Variants in CAMK2D observed in about 807,000 individuals in gnomAD.
CAMK2D encodes the protein calcium/calmodulin dependent protein kinase II delta, also known as calcium/calmodulin-dependent protein kinase type II subunit delta.
Under a neutral mutation model 84.0 loss-of-function variants are expected in CAMK2D, and 37 were observed. The ratio of observed to expected loss-of-function variants is 0.44; its 90% CI spans 0.34 to 0.58. The LOEUF is 0.58. Ranked by LOEUF, CAMK2D falls within the 20% of genes least tolerant of loss-of-function variation. The pLI, the probability that CAMK2D is intolerant of heterozygous loss-of-function variation, is 0.02. For missense variants in CAMK2D, 448 were observed against 652.5 expected (o/e 0.69, Z 3.41); for synonymous variants, 202 against 212.5 (o/e 0.95, Z 0.43).
At chr4:113,579,317 T>C (rs1348874726) in intron 4 of CAMK2D, among the ~76,000 whole-genome samples, 1 of 152,202 alleles carries the variant, frequency 6.6e-6, no homozygotes, top group Non-Finnish European at 1.5e-5. Flanking sequence ...TGCTCTTCCT[T>C]TTACTTTTCC....
chr4:113,641,359 C>T (rs1249901467), intron 3 of CAMK2D, among the ~76,000 whole-genome samples: 1 of 152,110 alleles, frequency 6.6e-6, no homozygotes, highest in Non-Finnish European at 1.5e-5. Context: ...GTACAGAGCA[C>T]ATAGTAAAGG....
Position 113,746,349 on chromosome 4 carries a change from AT to A in CAMK2D, c.160+12970del, listed in dbSNP as rs1488715591. On this transcript the variant is annotated intron_variant, in intron 2 of 20. Coordinates refer to ENST00000511664, the MANE Select transcript of CAMK2D (RefSeq NM_001321571.2). ...TAGAAGGTCAACAAATATTAACTCA[AT>A]TTCTATAAATCATTATTATTTTAAA... Among the ~76,000 whole-genome samples, 4 of 152,116 alleles carry A rather than the reference AT, an allele frequency of 2.6e-5. No homozygotes were observed. The East Asian group carries it at 7.7e-4, about 29-fold the overall frequency.
intron 2 of CAMK2D, among the ~76,000 whole-genome samples, chr4:113,745,856 G>A (rs2099602973): frequency 6.6e-6 from 1 of 152,100 alleles, no homozygotes; most frequent in Non-Finnish European, 1.5e-5. Flanking sequence ...GCTGGATAAC[G>A]CTGTCTCCTC....
At position 113,467,547 on chromosome 4, in the gene CAMK2D, T is replaced by G. The variant is rs77817213; in HGVS notation, c.1136-1943A>C. On this transcript the variant is annotated intron_variant, in intron 16 of 20. Coordinates refer to ENST00000511664, the MANE Select transcript of CAMK2D (RefSeq NM_001321571.2). ...GGTCTATAATATTAAAAAATCACTA[T>G]ATGGGTTAGAATTCATATTTAGTTA... Among the ~76,000 whole-genome samples, 855 of 152,290 alleles carry G rather than the reference T, an allele frequency of 5.6e-3. 8 individuals are homozygous for G. The highest frequency in any genetic ancestry group is 0.02 in the African/African-American group (825 of 41,568).
chr4:113,656,010 G>C (rs544597125), intron 3 of CAMK2D, among the ~76,000 whole-genome samples: 1 of 152,010 alleles, frequency 6.6e-6, no homozygotes, highest in Non-Finnish European at 1.5e-5. Context: ...TACCTGAAAG[G>C]TATTTTTCTT....
At chr4:113,674,832 G>T (rs1013145911) in intron 2 of CAMK2D, among the ~76,000 whole-genome samples, 1 of 151,634 alleles carries the variant, frequency 6.6e-6, no homozygotes. Context: ...ACAGTTAACA[G>T]AAATCAATGA....
chr4:113,653,189 A>G (rs914927172), intron 3 of CAMK2D, among the ~76,000 whole-genome samples: 1 of 152,104 alleles, frequency 6.6e-6, no homozygotes, highest in Admixed American at 6.5e-5. Flanking sequence ...AAAAAAAGCT[A>G]AAACAGATAA....
chr4:113,552,194 T>A, intron 4 of CAMK2D, 98 bp from the exon 5 acceptor site: 1 of 638,172 alleles, frequency 1.6e-6, no homozygotes, highest in Admixed American at 2.8e-5. Context: ...TTTTCTTAGA[T>A]GATTTAAAAA....
intron 8 of CAMK2D, among the ~76,000 whole-genome samples, chr4:113,524,456 C>T (rs1433202698): frequency 6.6e-6 from 1 of 152,120 alleles, no homozygotes; most frequent in East Asian, 1.9e-4. Flanking sequence ...CATGTTGTAG[C>T]ACGGGACAGA....
At chr4:113,604,622 T>C (rs2098969717) in intron 4 of CAMK2D, among the ~76,000 whole-genome samples, 1 of 152,258 alleles carries the variant, frequency 6.6e-6, no homozygotes. Flanking sequence ...TTACTATGGT[T>C]TGTATGTAAA....
intron 2 of CAMK2D, among the ~76,000 whole-genome samples, chr4:113,756,799 G>C (rs1200086045): frequency 2.0e-5 from 3 of 152,034 alleles, no homozygotes; most frequent in African/African-American, 7.2e-5. Flanking sequence ...ATCAAAAAAT[G>C]AAAGCATGGT....
chr4:113,586,726 C>T (rs1373423143), intron 4 of CAMK2D, among the ~76,000 whole-genome samples: 3 of 152,094 alleles, frequency 2.0e-5, no homozygotes, highest in Non-Finnish European at 4.4e-5. Flanking sequence ...AAGAAACAAA[C>T]CCACTCCAGT....
intron 19 of CAMK2D, 86 bp downstream of exon 19, chr4:113,457,249 T>A (rs1371536111): frequency 6.5e-7 from 1 of 1,544,264 alleles, no homozygotes; most frequent in Non-Finnish European, 8.7e-7. Flanking sequence ...TTAAATAACA[T>A]ATACCATGCT....
At chr4:113,497,580 A>AAAC (rs1335092187) in intron 16 of CAMK2D, among the ~76,000 whole-genome samples, 1 of 152,216 alleles carries the variant, frequency 6.6e-6, no homozygotes, top group East Asian at 1.9e-4. Flanking sequence ...CCAGAAAGAA[A>AAAC]AACTTTGTTG....
intron 4 of CAMK2D, among the ~76,000 whole-genome samples, chr4:113,590,110 TA>T (rs575577158): frequency 7.2e-5 from 11 of 152,280 alleles, no homozygotes; most frequent in Admixed American, 3.3e-4. Context: ...ACCAGCTACA[TA>T]AAAAAACACT....
At chr4:113,644,263 A>C (rs2099142990) in intron 3 of CAMK2D, among the ~76,000 whole-genome samples, 1 of 152,240 alleles carries the variant, frequency 6.6e-6, no homozygotes, top group Non-Finnish European at 1.5e-5. Flanking sequence ...GATGGTTACA[A>C]ATCTGCCAAA....
At chr4:113,642,551 A>T (rs911801219) in intron 3 of CAMK2D, among the ~76,000 whole-genome samples, 1 of 152,164 alleles carries the variant, frequency 6.6e-6, no homozygotes, top group Non-Finnish European at 1.5e-5. Flanking sequence ...AATTAAACCC[A>T]AACTGATACC....
In CAMK2D at chr4:113,693,371, G is replaced by C. The variant is rs1593130595; in HGVS notation, c.161-31599C>G. Among the ~76,000 whole-genome samples, 5 of 151,930 alleles carry C rather than the reference G, an allele frequency of 3.3e-5. 1 individual carries two copies. The South Asian group carries it at 1.0e-3, about 32-fold the overall frequency. On this transcript the variant is annotated intron_variant, in intron 2 of 20. Coordinates refer to ENST00000511664, the MANE Select transcript of CAMK2D (RefSeq NM_001321571.2). ...AAAATGCTAACAGATTTTTTTTTTAGACTTTATTAGTGTAAAGCATTTAAA... is the reference window on the plus strand; with the variant it reads ...AAAATGCTAACAGATTTTTTTTTTACACTTTATTAGTGTAAAGCATTTAAA...
chr4:113,663,630 GAAAGAC>G (rs2099245546), intron 2 of CAMK2D, among the ~76,000 whole-genome samples: 1 of 138,870 alleles, frequency 7.2e-6, no homozygotes, highest in African/African-American at 3.0e-5. Context: ...TAAAGTACAT[GAAAGAC>G]ATATACTTAA....
Sources: gnomAD v4.1 joint callset for allele counts (sites outside exome capture counted in the v4.1 genomes callset) on GRCh38, gnomAD v4.1.1 for gene constraint, MANE v1.5 for transcripts, NCBI Gene and HGNC (gene_info 2026-07-23, HGNC 2026-07-21) for gene names.